Variants in UBOX5 observed in about 807,000 individuals in gnomAD.
The protein encoded by UBOX5 is RING finger protein 37.
Under a neutral mutation model 39.0 loss-of-function variants are expected in UBOX5, and 28 were observed. That is an observed-to-expected ratio of 0.72 (90% CI 0.53 to 0.98). The LOEUF (loss-of-function observed/expected upper bound fraction) is 0.98, where lower values mean the gene tolerates loss of function less well. UBOX5 is among the 50% of genes least tolerant of loss of function. The pLI is 0.00. For missense variants in UBOX5, 585 were observed against 674.4 expected, an observed-to-expected ratio of 0.87 and a Z score of 1.47; for synonymous variants, 283 against 275.5, an observed-to-expected ratio of 1.03 and a Z score of -0.27.
intron 1 of UBOX5, among the ~76,000 whole-genome samples, chr20:3,138,413 G>A (rs1247395265): frequency 6.6e-6 from 1 of 152,158 alleles, no homozygotes; most frequent in Non-Finnish European, 1.5e-5. Context: ...ATACTAGGCT[G>A]GTGGGATAAG....
intron 1 of UBOX5, among the ~76,000 whole-genome samples, chr20:3,130,565 A>G (rs2066421751): frequency 6.6e-6 from 1 of 151,946 alleles, no homozygotes; most frequent in Non-Finnish European, 1.5e-5. Flanking sequence ...GATTTTTGTC[A>G]TTATTTTTTC....
At chr20:3,143,389 G>A (rs112627049) in intron 1 of UBOX5, among the ~76,000 whole-genome samples, 1,796 of 151,786 alleles carry the variant, frequency 0.012, 37 homozygotes, top group African/African-American at 0.042. Flanking sequence ...GGTGTGAGCC[G>A]CCATGCCTGA....
chr20:3,132,190 A>G (rs761129543), intron 1 of UBOX5, among the ~76,000 whole-genome samples: 1 of 151,396 alleles, frequency 6.6e-6, no homozygotes, highest in Non-Finnish European at 1.5e-5. Flanking sequence ...CATGCCTGTA[A>G]TCCCAGCTAC....
Position 3,122,313 on chromosome 20 carries a change from A to G in UBOX5, c.326T>C (p.Val109Ala). The change falls in exon 3 of 5, where the codon GTC (valine) becomes GCC (alanine). Residue 109 changes from valine to alanine, a missense_variant. Transcript: ENST00000217173. ...CAAGGTGAACGCCTCCTTGTCTGGG[A>G]CAGATGGCTCAGCTGGGCCCAGGGT... ...CRTLGPAEPS[V>A]PDKEAFTLVG... The G allele has an allele frequency of 1.2e-6, 2 of 1,614,166 alleles. No individual in the cohort carries two copies. The highest frequency in any genetic ancestry group is 1.7e-6 in the Non-Finnish European group (2 of 1,180,022).
chr20:3,147,931 T>A lies in UBOX5; in HGVS notation c.-42+11835A>T, dbSNP rs375080901. 5 of 1,614,106 alleles carry A rather than the reference T, an allele frequency of 3.1e-6. No homozygotes were observed. The African/African-American group carries it at 5.3e-5, about 17-fold the overall frequency. ...CCAGGGAAGGAATTCGCTGAGGAGC[T>A]ATCTCTCCAATCTGCTTCATGAAAT... On this transcript the variant is annotated intron_variant, in intron 1 of 4. Transcript: ENST00000217173.
chr20:3,129,707 C>A (rs2066415201), intron 1 of UBOX5, among the ~76,000 whole-genome samples: 1 of 152,038 alleles, frequency 6.6e-6, no homozygotes, highest in Non-Finnish European at 1.5e-5. Context: ...TCTTGGAGAC[C>A]CATAAGAAAA....
chr20:3,148,187 G>A, intron 1 of UBOX5: 1 of 1,613,932 alleles, frequency 6.2e-7, no homozygotes, highest in East Asian at 2.2e-5. Context: ...TAGGTCCTGG[G>A]ATACCTGACG....
In UBOX5 at chr20:3,122,339, C is replaced by A; in HGVS notation, c.300G>T (p.Arg100=). The change falls in exon 3 of 5, where the codon CGG becomes CGT. Residue 100 remains arginine, a synonymous_variant. Transcript: ENST00000217173. ...SRVSWNTPQC[R]TLGPAEPSVP... ...CAGATGGCTCAGCTGGGCCCAGGGT[C>A]CGGCACTGGGGCGTATTCCAAGACA... The A allele has an allele frequency of 6.2e-7, 1 of 1,614,210 alleles. No individual in the cohort carries two copies. The highest frequency in any genetic ancestry group is 1.1e-5 in the South Asian group (1 of 91,080).
intron 1 of UBOX5, among the ~76,000 whole-genome samples, chr20:3,132,095 A>G (rs980380219): frequency 6.6e-6 from 1 of 151,492 alleles, no homozygotes; most frequent in Non-Finnish European, 1.5e-5. Context: ...GGATCAGTTG[A>G]GGCCAGGAGT....
rs9712396 is a variant in UBOX5, at chr20:3,125,916, G to T, written c.-41-2510C>A. On this transcript the variant is annotated intron_variant, in intron 1 of 4. Transcript: ENST00000217173. ...AAGTGAGGAGCGCCTCTGCCCAGCC[G>T]CCCCGTCTGGGAAGTGAGGAGTGCC... Among the ~76,000 whole-genome samples, 229 of 151,196 alleles carry T rather than the reference G, an allele frequency of 1.5e-3. 6 individuals are homozygous for T. Among genetic ancestry groups the T allele is most frequent in the Admixed American group, 0.014 (210 of 15,178 alleles).
rs748960163 is a variant in UBOX5, at chr20:3,121,663, C to T, written c.976G>A (p.Ala326Thr). ...TGGAGCAGGAAATGGTCAATCCGGG[C>T]CTTGAGGGAGGGGTGAGGCAGGGGC... Reference protein sequence around the residue: ...SQPLPHPSLKARIDHFLLQHS... With the variant: ...SQPLPHPSLKTRIDHFLLQHS... Residue 326 changes from alanine to threonine, a missense_variant, in exon 3 of 5, where the codon GCC becomes ACC. Ala to Thr is a moderately conservative substitution (Grantham distance 58). Transcript: ENST00000217173. 2.9e-5 allele frequency: 46 copies of T among 1,613,494 alleles called. No individual in the cohort carries two copies. In the East Asian group the frequency reaches 1.0e-3, roughly 35 times the overall value.
intron 1 of UBOX5, among the ~76,000 whole-genome samples, chr20:3,132,699 A>G (rs1274043993): frequency 1.1e-4 from 17 of 152,094 alleles, no homozygotes; most frequent in Non-Finnish European, 2.9e-5. Flanking sequence ...AGGTGCCTGT[A>G]ATCCCAGCTA....
chr20:3,155,088 GA>G (rs1202796689), intron 1 of UBOX5, among the ~76,000 whole-genome samples: 2 of 148,244 alleles, frequency 1.3e-5, no homozygotes, highest in East Asian at 4.0e-4. Context: ...GAAAAGAAAA[GA>G]AAAAATAAAT....
intron 3 of UBOX5, among the ~76,000 whole-genome samples, chr20:3,120,897 A>G (rs1021584306): frequency 3.9e-5 from 6 of 152,204 alleles, no homozygotes; most frequent in Admixed American, 1.3e-4. Context: ...CCTCCATGCA[A>G]TATATCCTTG....
chr20:3,141,937 TG>T (rs928351944), intron 1 of UBOX5, among the ~76,000 whole-genome samples: 31 of 151,480 alleles, frequency 2.0e-4, no homozygotes, highest in Admixed American at 1.8e-3. Context: ...CACTTGAACC[TG>T]GGATTTTGAG....
At chr20:3,141,642 G>A (rs545941029) in intron 1 of UBOX5, among the ~76,000 whole-genome samples, 11 of 150,430 alleles carry the variant, frequency 7.3e-5, no homozygotes, top group South Asian at 2.1e-4. Flanking sequence ...GCGAAACTCC[G>A]TCTCAAAAAA....
At chr20:3,155,160 G>C (rs867726237) in intron 1 of UBOX5, among the ~76,000 whole-genome samples, 3 of 152,228 alleles carry the variant, frequency 2.0e-5, no homozygotes, top group Middle Eastern at 3.4e-3. Flanking sequence ...TTGGGAAGCT[G>C]AGGTGGGCGG....
intron 1 of UBOX5, among the ~76,000 whole-genome samples, chr20:3,139,413 G>T (rs1327527415): frequency 6.6e-6 from 1 of 151,466 alleles, no homozygotes; most frequent in Admixed American, 6.6e-5. Context: ...ATTGAGACAA[G>T]AGTTTTGCTC....
intron 3 of UBOX5, among the ~76,000 whole-genome samples, chr20:3,118,767 G>A (rs934333029): frequency 2.0e-5 from 3 of 151,486 alleles, no homozygotes; most frequent in East Asian, 1.9e-4. Flanking sequence ...GCGAGACTCC[G>A]TCTCAAAAAA....
Sources: allele counts gnomAD v4.1 joint callset (sites outside exome capture counted in the v4.1 genomes callset), GRCh38; gene constraint gnomAD v4.1.1; transcripts MANE v1.5; gene names NCBI Gene and HGNC (gene_info 2026-07-23, HGNC 2026-07-21).